The following DGKI variants were observed in gnomAD, a reference collection of about 807,000 sequenced individuals.
DGKI encodes the protein diacylglycerol kinase iota.
A neutral mutation model predicts 147.5 loss-of-function variants in DGKI; 55 were observed. The observed-to-expected ratio is 0.37, with a 90% confidence interval of 0.30 to 0.47. DGKI has a LOEUF of 0.47. Among genes scored for constraint, DGKI ranks in the 20% least tolerant of loss-of-function variants. DGKI has a pLI of 1.00. For synonymous variants in DGKI, 469 were observed against 477.1 expected (o/e 0.98, Z 0.22); for missense variants, 1,007 against 1,323.8 (o/e 0.76, Z 3.71).
chr7:137,491,504 C>T (rs1252505568), intron 21 of DGKI, among the ~76,000 whole-genome samples: 1 of 152,164 alleles, frequency 6.6e-6, no homozygotes, highest in Non-Finnish European at 1.5e-5. Context: ...GACCTGCATT[C>T]CATATTTCTA....
intron 1 of DGKI, among the ~76,000 whole-genome samples, chr7:137,732,794 C>T (rs1794920413): frequency 2.0e-5 from 3 of 151,968 alleles, no homozygotes; most frequent in South Asian, 2.1e-4. Flanking sequence ...CAAGTGGCCT[C>T]CCCGCCCCAC....
intron 18 of DGKI, among the ~76,000 whole-genome samples, chr7:137,571,792 CAG>C (rs1818801822): frequency 6.7e-6 from 1 of 150,102 alleles, no homozygotes; most frequent in African/African-American, 2.5e-5. Context: ...GAATGGGAAA[CAG>C]AAGAAATTGG....
intron 1 of DGKI, among the ~76,000 whole-genome samples, chr7:137,796,329 C>T (rs1044335836): frequency 3.3e-5 from 5 of 152,130 alleles, no homozygotes; most frequent in Admixed American, 1.3e-4. Context: ...AAAACCCCAT[C>T]TCTACTAAAA....
intron 1 of DGKI, among the ~76,000 whole-genome samples, chr7:137,747,961 T>C (rs1795389669): frequency 6.6e-6 from 1 of 152,210 alleles, no homozygotes; most frequent in Non-Finnish European, 1.5e-5. Flanking sequence ...AAACACATTT[T>C]ACGACAAGGA....
intron 3 of DGKI, among the ~76,000 whole-genome samples, chr7:137,672,764 GTCTTTTTTTTTTT>G (rs1822890428): frequency 1.9e-5 from 2 of 106,704 alleles, no homozygotes; most frequent in African/African-American, 3.8e-5. Flanking sequence ...GTCTCTGTGT[GTCTTTTTTTTTTT>G]TTTTTTTTTT....
At chr7:137,773,276 T>C (rs1266438367) in intron 1 of DGKI, among the ~76,000 whole-genome samples, 1 of 151,922 alleles carries the variant, frequency 6.6e-6, no homozygotes, top group Non-Finnish European at 1.5e-5. Context: ...CACGGAAGGG[T>C]AGGAAAAACT....
At chr7:137,710,997 C>A (rs762274356) in intron 1 of DGKI, among the ~76,000 whole-genome samples, 5 of 152,284 alleles carry the variant, frequency 3.3e-5, no homozygotes, top group Admixed American at 6.5e-5. Flanking sequence ...ATGTTCAGAT[C>A]CATCAGATAA....
At chr7:137,687,363 T>C (rs1477062476) in intron 2 of DGKI, among the ~76,000 whole-genome samples, 1 of 152,188 alleles carries the variant, frequency 6.6e-6, no homozygotes, top group African/African-American at 2.4e-5. Context: ...TAAATAAAGA[T>C]TGCTCATTTC....
At chr7:137,624,575 C>A (rs1820865813) in intron 6 of DGKI, among the ~76,000 whole-genome samples, 1 of 152,024 alleles carries the variant, frequency 6.6e-6, no homozygotes, top group South Asian at 2.1e-4. Context: ...TACTACCGAG[C>A]ATTTCCTCCT....
intron 1 of DGKI, among the ~76,000 whole-genome samples, chr7:137,715,059 T>C (rs1427625233): frequency 1.3e-5 from 2 of 152,228 alleles, no homozygotes; most frequent in African/African-American, 4.8e-5. Context: ...ATCTTCTCTG[T>C]GGTTTCCCAT....
At chr7:137,428,207 T>C (rs1453487624) in intron 28 of DGKI, among the ~76,000 whole-genome samples, 1 of 150,152 alleles carries the variant, frequency 6.7e-6, no homozygotes, top group Non-Finnish European at 1.5e-5. Flanking sequence ...TCCACCATGA[T>C]CAAGTGGGCT....
chr7:137,558,423 G>A (rs942938673), intron 19 of DGKI, among the ~76,000 whole-genome samples: 3 of 152,146 alleles, frequency 2.0e-5, no homozygotes, highest in Non-Finnish European at 2.9e-5. Flanking sequence ...ACAGGTGCAC[G>A]CCACCATGTG....
At chr7:137,633,758 C>T (rs1308634984) in intron 6 of DGKI, among the ~76,000 whole-genome samples, 1 of 152,194 alleles carries the variant, frequency 6.6e-6, no homozygotes. Context: ...TTTTTTCCAT[C>T]CCTCTCTGAA....
chr7:137,643,014 G>A (rs142801980), intron 6 of DGKI, among the ~76,000 whole-genome samples: 2,190 of 149,112 alleles, frequency 0.015, 36 homozygotes, highest in South Asian at 0.052. Flanking sequence ...AATATGGGCC[G>A]GGCGCGGTGG....
At chr7:137,409,453 G>A (rs1812081026) in intron 29 of DGKI, among the ~76,000 whole-genome samples, 1 of 152,158 alleles carries the variant, frequency 6.6e-6, no homozygotes, top group Non-Finnish European at 1.5e-5. Context: ...GAAGCACTAG[G>A]GAAGCATGAA....
At chr7:137,579,436 T>TAAAAAAAAAAAAAAAAAAAAAA (rs71533758) in intron 15 of DGKI, among the ~76,000 whole-genome samples, 1 of 108,202 alleles carries the variant, frequency 9.2e-6, no homozygotes, top group African/African-American at 3.1e-5. Flanking sequence ...ACAGAAACAG[T>TAAAAAAAAAAAAAAAAAAAAAA]AAAAAAAAAA....
chr7:137,401,783 G>GA (rs1031064779), intron 30 of DGKI, among the ~76,000 whole-genome samples: 3 of 152,056 alleles, frequency 2.0e-5, no homozygotes, highest in African/African-American at 7.2e-5. Flanking sequence ...ACCTGAACCA[G>GA]AAAAAATACT....
intron 19 of DGKI, among the ~76,000 whole-genome samples, chr7:137,552,935 A>G (rs1226395542): frequency 6.6e-6 from 1 of 152,086 alleles, no homozygotes; most frequent in African/African-American, 2.4e-5. Context: ...AAGGAAAAGA[A>G]AGCTGGAAAC....
At chr7:137,427,654 C>T (rs1479057593) in intron 28 of DGKI, among the ~76,000 whole-genome samples, 2 of 151,722 alleles carry the variant, frequency 1.3e-5, no homozygotes, top group Non-Finnish European at 2.9e-5. Flanking sequence ...AGACCACTAG[C>T]AAGACTAATA....
Sources: allele counts gnomAD v4.1 joint callset (sites outside exome capture counted in the v4.1 genomes callset), GRCh38; gene constraint gnomAD v4.1.1; transcripts MANE v1.5; gene names NCBI Gene and HGNC (gene_info 2026-07-23, HGNC 2026-07-21).